ADAMTS2: variants seen among roughly 807,000 people sequenced by gnomAD.
ADAMTS2 encodes the protein ADAM metallopeptidase with thrombospondin type 1 motif 2.
A neutral mutation model predicts 123.0 loss-of-function variants in ADAMTS2; 50 were observed. That is an observed-to-expected ratio of 0.41 (90% confidence interval 0.32 to 0.51). The LOEUF (loss-of-function observed/expected upper bound fraction) is 0.51. Among genes scored for constraint, ADAMTS2 ranks in the 20% least tolerant of loss-of-function variants. The probability of loss-of-function intolerance (pLI) is 0.35; values close to 1 mark genes in which losing one functional copy is unlikely to be tolerated. For synonymous variants in ADAMTS2, 678 were observed against 695.4 expected (o/e 0.98, Z 0.39); for missense variants, 1,494 against 1,705.2 (o/e 0.88, Z 2.18).
At position 179,303,871 on chromosome 5, in the gene ADAMTS2, A is replaced by C; in HGVS notation, c.535-30807T>G. On this transcript the variant is annotated intron_variant, in intron 2 of 21. Transcript: ENST00000251582. The surrounding 1 kb of genome is among the most constrained non-coding windows in gnomAD (Gnocchi z 4.7). ...AAGCCCCAGCTTTCTGGCCAGAGAG[A>C]TTTAACAAGGAGCCGCAGGAAACTG... 6.6e-6 allele frequency among the ~76,000 whole-genome samples: 1 copy of C among 152,166 alleles called. No homozygotes were observed.
rs140543147 is a variant in ADAMTS2, at chr5:179,260,613, C to G, written c.688+12298G>C. 2.0e-5 allele frequency among the ~76,000 whole-genome samples: 3 copies of G among 152,280 alleles called. No individual in the cohort carries two copies. Among genetic ancestry groups the G allele is most frequent in the African/African-American group, 7.2e-5 (3 of 41,546 alleles). On this transcript the variant is annotated intron_variant, in intron 3 of 21. Transcript: ENST00000251582. The surrounding 1 kb of genome is among the most constrained non-coding windows in gnomAD (Gnocchi z 4.2). The stretch of plus-strand genomic sequence containing the variant: ...AGCCCTGGGTTCTAAGCCTGCTCCT[C>G]CCTCCTGATGCAGGAGTCAAAAGGC...
At chr5:179,254,643 A>G (rs896261171) in intron 3 of ADAMTS2, among the ~76,000 whole-genome samples, 13 of 152,182 alleles carry the variant, frequency 8.5e-5, no homozygotes, top group Admixed American at 4.6e-4. Context: ...ATATTCTCTA[A>G]GCTACCAGGT....
chr5:179,206,077 T>C (rs1764684562), intron 4 of ADAMTS2, among the ~76,000 whole-genome samples: 1 of 152,120 alleles, frequency 6.6e-6, no homozygotes, highest in African/African-American at 2.4e-5. Context: ...GATTATTGCA[T>C]TAAAGGTACG....
In ADAMTS2 at chr5:179,245,791, A is replaced by AAC. The variant is rs1561628664; in HGVS notation, c.688+27119_688+27120insGT. Among the ~76,000 whole-genome samples, 118 of 85,644 alleles carry AAC rather than the reference A, an allele frequency of 1.4e-3. 2 individuals carry two copies. The highest frequency in any genetic ancestry group is 2.4e-3 in the African/African-American group (73 of 30,816). The allele number at this position is 85,644 out of a possible 152,430, so 56.2% of individuals were successfully genotyped here. A position where few individuals can be genotyped will look rare whatever the true frequency, so the allele number is the denominator to read the frequency against. On this transcript the variant is annotated intron_variant, in intron 3 of 21. Transcript: ENST00000251582. ...AAAAAAAAAAAAAAAAAAAAAAAAA[A>AAC]AAAACAAAAAAAACAAAGATGGGGG...
chr5:179,320,464 C>T (rs533723942), intron 2 of ADAMTS2, among the ~76,000 whole-genome samples: 98 of 149,006 alleles, frequency 6.6e-4, no homozygotes, highest in Non-Finnish European at 1.1e-3. Context: ...TCCACCACTA[C>T]GCCTGGCTAA....
rs569510744 is a variant in ADAMTS2, at chr5:179,137,872, G to A, written c.1848C>T (p.Pro616=). 12 of 1,561,318 alleles carry A rather than the reference G, an allele frequency of 7.7e-6. No individual in the cohort carries two copies. The highest frequency in any genetic ancestry group is 3.8e-5 in the Admixed American group (2 of 52,818). ...DFQLCSRQDC[P]DSLADFREEQ... is the part of the protein sequence containing the mutation. ...CCTCGCGGAAGTCAGCCAGGGAGTC[G>A]GGGCAGTCCTGGCGGCTGCAGAGCT... The change falls in exon 12 of 22, where the codon CCC becomes CCT. Residue 616 remains proline (P), a synonymous_variant. Coordinates refer to ENST00000251582, the MANE Select transcript of ADAMTS2 (RefSeq NM_014244.5).
At chr5:179,340,666 A>G (rs1231494734) in intron 2 of ADAMTS2, among the ~76,000 whole-genome samples, 1 of 152,146 alleles carries the variant, frequency 6.6e-6, no homozygotes, top group Admixed American at 6.5e-5. Flanking sequence ...ATTCATCTGT[A>G]GAAGGGGGAT....
intron 11 of ADAMTS2, among the ~76,000 whole-genome samples, chr5:179,138,555 T>C (rs2113220201): frequency 6.6e-6 from 1 of 152,324 alleles, no homozygotes; most frequent in Non-Finnish European, 1.5e-5. Flanking sequence ...ACACACTGCC[T>C]CTTGAGGTTC....
chr5:179,218,841 C>T (rs1361419932), intron 3 of ADAMTS2, among the ~76,000 whole-genome samples: 1 of 152,200 alleles, frequency 6.6e-6, no homozygotes, highest in East Asian at 1.9e-4. Context: ...GGAGAGAAGG[C>T]CTCTCCGGGC....
chr5:179,194,519 G>T (rs547402265), intron 4 of ADAMTS2, among the ~76,000 whole-genome samples: 1 of 152,318 alleles, frequency 6.6e-6, no homozygotes, highest in Admixed American at 6.5e-5. Context: ...AGAGGCGGGT[G>T]TGGCCAGGGG....
chr5:179,161,177 C>T (rs760862214), intron 5 of ADAMTS2, among the ~76,000 whole-genome samples: 58 of 152,274 alleles, frequency 3.8e-4, no homozygotes, highest in South Asian at 1.0e-3. Flanking sequence ...CAGCTCATCT[C>T]GAGTCCCTGC....
chr5:179,198,705 G>A (rs750659580), intron 4 of ADAMTS2, among the ~76,000 whole-genome samples: 8 of 152,110 alleles, frequency 5.3e-5, no homozygotes, highest in East Asian at 1.9e-4. Flanking sequence ...ATGGCGGCAC[G>A]TGCCAGTAGT....
intron 2 of ADAMTS2, among the ~76,000 whole-genome samples, chr5:179,335,175 C>T (rs531907897): frequency 1.3e-5 from 2 of 151,734 alleles, no homozygotes; most frequent in African/African-American, 4.8e-5. Flanking sequence ...CACAGTCCAA[C>T]AGAAATAGAA....
In ADAMTS2 at chr5:179,188,979, G is replaced by A. The variant is rs1465664252; in HGVS notation, c.892-7824C>T. Among the ~76,000 whole-genome samples, 2 of 152,176 alleles carry A rather than the reference G, an allele frequency of 1.3e-5. No individual in the cohort carries two copies. The highest frequency in any genetic ancestry group is 4.8e-5 in the African/African-American group (2 of 41,434). On this transcript the variant is annotated intron_variant, in intron 4 of 21. Coordinates refer to ENST00000251582, the MANE Select transcript of ADAMTS2 (RefSeq NM_014244.5). The surrounding 1 kb of genome is among the most constrained non-coding windows in gnomAD (Gnocchi z 5.1). Reference sequence around the variant, plus strand: ...TGCCCCTCCCCCTCTCCTGAATTTGGGGGGTTAGCAGAGTGTGGGGGGGAT... The same window carrying A: ...TGCCCCTCCCCCTCTCCTGAATTTGAGGGGTTAGCAGAGTGTGGGGGGGAT...
intron 2 of ADAMTS2, among the ~76,000 whole-genome samples, chr5:179,293,817 G>T (rs1390979467): frequency 1.3e-5 from 2 of 151,770 alleles, no homozygotes; most frequent in South Asian, 2.1e-4. Flanking sequence ...GTAGAATGGG[G>T]TTTCATCACA....
At position 179,154,050 on chromosome 5, in the gene ADAMTS2, G is replaced by A; in HGVS notation, c.1381C>T (p.His461Tyr). The A allele has an allele frequency of 6.2e-7, 1 of 1,601,084 alleles. No individual in the cohort carries two copies. The highest frequency in any genetic ancestry group is 8.5e-7 in the Non-Finnish European group (1 of 1,176,702). The change falls in exon 8 of 22, where the codon CAC (histidine) becomes TAC (tyrosine). Residue 461 changes from histidine (H) to tyrosine (Y), a missense_variant and splice_region_variant. Coordinates refer to ENST00000251582, the MANE Select transcript of ADAMTS2 (RefSeq NM_014244.5). ...CSQQELSRYL[H>Y]SYDCLLDDPF... is the part of the protein sequence containing the mutation. ...ACGGGGCACATGGGCAGTACTCACT[G>A]CAGGTAGCGGCTCAGCTCCTGCTGG...
At position 179,224,363 on chromosome 5, in the gene ADAMTS2, C is replaced by A. The variant is rs114299344; in HGVS notation, c.689-16648G>T. Reference sequence around the variant, plus strand: ...ACCACAGCAATTCTCACTCGGGCCTCCCTGACCCTCGACCTGTGGGTCCCT... The same window carrying A: ...ACCACAGCAATTCTCACTCGGGCCTACCTGACCCTCGACCTGTGGGTCCCT... On this transcript the variant is annotated intron_variant, in intron 3 of 21. Coordinates refer to ENST00000251582, the MANE Select transcript of ADAMTS2 (RefSeq NM_014244.5). 6.1e-3 allele frequency among the ~76,000 whole-genome samples: 926 copies of A among 152,322 alleles called. 8 individuals carry two copies. Among genetic ancestry groups the A allele is most frequent in the African/African-American group, 0.021 (884 of 41,576 alleles).
intron 2 of ADAMTS2, among the ~76,000 whole-genome samples, chr5:179,323,801 T>C (rs149715636): frequency 6.6e-6 from 1 of 152,364 alleles, no homozygotes; most frequent in African/African-American, 2.4e-5. Context: ...TAGGTCTTAT[T>C]ATTTAATGCA....
At chr5:179,178,256 A>G (rs961957195) in intron 5 of ADAMTS2, among the ~76,000 whole-genome samples, 4 of 98,708 alleles carry the variant, frequency 4.1e-5, no homozygotes, top group South Asian at 7.1e-4. Flanking sequence ...GGATAGTCCA[A>G]AGATCCCCCC....
Sources: allele counts gnomAD v4.1 joint callset (sites outside exome capture counted in the v4.1 genomes callset), GRCh38; gene constraint gnomAD v4.1.1; non-coding constraint Gnocchi (gnomAD v3.1); transcripts MANE v1.5; gene names NCBI Gene and HGNC (gene_info 2026-07-23, HGNC 2026-07-21).